PPM1H: variants seen among roughly 807,000 people sequenced by gnomAD.
PPM1H encodes protein phosphatase 1H.
Under a neutral mutation model 54.9 loss-of-function variants are expected in PPM1H, and 27 were observed. The observed-to-expected ratio is 0.49, with a 90% confidence interval of 0.36 to 0.68. The LOEUF (loss-of-function observed/expected upper bound fraction) is 0.68, where lower values mean the gene tolerates loss of function less well. Among genes scored for constraint, PPM1H ranks in the 30% least tolerant of loss-of-function variants. The pLI is 0.00. For missense variants in PPM1H, 596 were observed against 667.8 expected, an observed-to-expected ratio of 0.89 and a Z score of 1.19; for synonymous variants, 305 against 270.8, an observed-to-expected ratio of 1.13 and a Z score of -1.24.
intron 4 of PPM1H, among the ~76,000 whole-genome samples, chr12:62,766,481 T>C (rs11832267): frequency 0.19 from 28,452 of 151,862 alleles, 3,271 homozygotes; most frequent in African/African-American, 0.32. Context: ...GGGTCACAAA[T>C]GCTTCCTAAC....
chr12:62,779,864 G>A (rs1300592848), intron 4 of PPM1H, among the ~76,000 whole-genome samples: 1 of 152,206 alleles, frequency 6.6e-6, no homozygotes, highest in Non-Finnish European at 1.5e-5. Context: ...TTTTCATGTG[G>A]CTGAGAAACT....
intron 1 of PPM1H, among the ~76,000 whole-genome samples, chr12:62,933,663 T>C (rs75809669): frequency 0.014 from 2,141 of 152,238 alleles, 48 homozygotes; most frequent in African/African-American, 0.049. Flanking sequence ...ATTCATAAGA[T>C]GGTTATTAAT....
chr12:62,934,406 C>T lies in PPM1H; in HGVS notation c.245+86G>A. 1 of 1,402,886 alleles carries T rather than the reference C, an allele frequency of 7.1e-7. No individual in the cohort carries two copies. Among genetic ancestry groups the T allele is most frequent in the African/African-American group, 1.5e-5 (1 of 67,482 alleles). The allele number at this position is 1,402,886 out of a possible 1,614,324, so 86.9% of individuals were successfully genotyped here. ...CGGCAGCTAGTGAGAGCCCTGAGGC[C>T]GAGAAGCAGGGAGAGAAGAGGGCTG... On this transcript the variant is annotated intron_variant, in intron 1 of 9. Coordinates refer to ENST00000228705, the MANE Select transcript of PPM1H (RefSeq NM_020700.2). This position sits in a 1 kb window ranked among gnomAD's most constrained non-coding sequence, Gnocchi z 4.2.
intron 9 of PPM1H, among the ~76,000 whole-genome samples, chr12:62,650,913 A>G (rs892990422): frequency 2.0e-5 from 3 of 152,160 alleles, no homozygotes; most frequent in African/African-American, 7.2e-5. Flanking sequence ...GAGCCAAACC[A>G]TATCACCCCA....
intron 4 of PPM1H, among the ~76,000 whole-genome samples, 192 bp downstream of exon 4, chr12:62,788,034 C>T (rs1403510227): frequency 5.3e-5 from 8 of 152,220 alleles, no homozygotes; most frequent in Admixed American, 5.2e-4. Context: ...CAGACGTGTA[C>T]ATGAAATGCT....
chr12:62,801,969 G>A lies in PPM1H; in HGVS notation c.603C>T (p.Ala201=). 6.2e-7 allele frequency: 1 copy of A among 1,612,926 alleles called. No individual in the cohort carries two copies. Among genetic ancestry groups the A allele is most frequent in the Non-Finnish European group, 8.5e-7 (1 of 1,179,320 alleles). The change falls in exon 3 of 10, where the codon GCC becomes GCT. Residue 201 remains alanine, a synonymous_variant. Transcript: ENST00000228705. ...CLGEEPENTP[A]NSRTLTRAAS... ...CTGCCCGGGTCAGAGTCCGGCTGTT[G>A]GCGGGCGTGTTCTCAGGCTCCTCCC...
chr12:62,918,726 G>A (rs933630330), intron 1 of PPM1H, among the ~76,000 whole-genome samples: 2 of 152,186 alleles, frequency 1.3e-5, no homozygotes, highest in Non-Finnish European at 2.9e-5. Context: ...AAAAAAATGT[G>A]TGTTACAACC....
At chr12:62,759,078 G>A (rs1363339418) in intron 4 of PPM1H, among the ~76,000 whole-genome samples, 1 of 152,172 alleles carries the variant, frequency 6.6e-6, no homozygotes, top group African/African-American at 2.4e-5. Context: ...AAGAACTAAC[G>A]ATAATCCACC....
At chr12:62,712,821 G>A (rs2076214686) in intron 6 of PPM1H, among the ~76,000 whole-genome samples, 2 of 152,166 alleles carry the variant, frequency 1.3e-5, no homozygotes, top group South Asian at 4.1e-4. Flanking sequence ...CTAATGAGGA[G>A]TGTCAGTTGG....
At chr12:62,673,693 T>C (rs2075969188) in intron 8 of PPM1H, among the ~76,000 whole-genome samples, 1 of 148,960 alleles carries the variant, frequency 6.7e-6, no homozygotes, top group African/African-American at 2.5e-5. Context: ...CTAACAAGCT[T>C]TGTGACTTGA....
At chr12:62,915,462 A>G (rs1871592786) in intron 1 of PPM1H, among the ~76,000 whole-genome samples, 1 of 152,220 alleles carries the variant, frequency 6.6e-6, no homozygotes, top group South Asian at 2.1e-4. Flanking sequence ...CCAGGTGATC[A>G]AACCAGCAAA....
chr12:62,926,468 G>T (rs564240329), intron 1 of PPM1H, among the ~76,000 whole-genome samples: 5 of 152,124 alleles, frequency 3.3e-5, no homozygotes, highest in African/African-American at 1.2e-4. Context: ...CCATAGAGGA[G>T]ATTAGGTATG....
chr12:62,649,263 G>A (rs1565744018), intron 9 of PPM1H, among the ~76,000 whole-genome samples: 2 of 150,454 alleles, frequency 1.3e-5, no homozygotes, highest in South Asian at 2.1e-4. Context: ...TGGTGTGAGT[G>A]AGCTGCTTAC....
intron 1 of PPM1H, among the ~76,000 whole-genome samples, chr12:62,841,020 T>C (rs192303121): frequency 1.3e-5 from 2 of 151,800 alleles, no homozygotes; most frequent in East Asian, 1.9e-4. Flanking sequence ...ATGAAACCTG[T>C]TGGACATGGG....
At chr12:62,743,471 C>T (rs2076393767) in intron 4 of PPM1H, among the ~76,000 whole-genome samples, 1 of 152,050 alleles carries the variant, frequency 6.6e-6, no homozygotes, top group Non-Finnish European at 1.5e-5. Context: ...CCTAGAAAAT[C>T]CCGCTACTTC....
At chr12:62,845,176 G>A (rs1207862656) in intron 1 of PPM1H, among the ~76,000 whole-genome samples, 1 of 152,244 alleles carries the variant, frequency 6.6e-6, no homozygotes, top group Non-Finnish European at 1.5e-5. Context: ...ACAGGACCTG[G>A]AAGTAGCAGA....
At chr12:62,717,677 AAAAC>A (rs1425293949) in intron 6 of PPM1H, among the ~76,000 whole-genome samples, 5 of 152,342 alleles carry the variant, frequency 3.3e-5, no homozygotes, top group East Asian at 1.9e-4. Flanking sequence ...ACAAAAAACA[AAAAC>A]AAACAAAACA....
At chr12:62,703,309 G>T (rs1359627202) in intron 6 of PPM1H, among the ~76,000 whole-genome samples, 1 of 151,882 alleles carries the variant, frequency 6.6e-6, no homozygotes, top group Non-Finnish European at 1.5e-5. Context: ...TACTCAGAAG[G>T]ATGCCTCAGA....
At chr12:62,903,592 C>G (rs1422692991) in intron 1 of PPM1H, among the ~76,000 whole-genome samples, 2 of 152,136 alleles carry the variant, frequency 1.3e-5, no homozygotes, top group East Asian at 3.9e-4. Context: ...TACACTCAGA[C>G]AGAAAATCAT....
Sources: allele counts gnomAD v4.1 joint callset (sites outside exome capture counted in the v4.1 genomes callset), GRCh38; gene constraint gnomAD v4.1.1; non-coding constraint Gnocchi (gnomAD v3.1); transcripts MANE v1.5; gene names NCBI Gene and HGNC (gene_info 2026-07-23, HGNC 2026-07-21).